The following ZNF496 variants were observed in gnomAD, a reference collection of about 807,000 sequenced individuals.
ZNF496 encodes the protein NSD1 (nuclear receptor binding SET-domain containing 1)-interacting zinc finger protein 1.
In ZNF496, 11 loss-of-function variants were observed where a neutral mutation model predicts 58.9. The ratio of observed to expected loss-of-function variants is 0.19; its 90% CI spans 0.12 to 0.31. The LOEUF (loss-of-function observed/expected upper bound fraction) is 0.31. Among genes scored for constraint, ZNF496 ranks in the 10% least tolerant of loss-of-function variants. The probability of loss-of-function intolerance (pLI) is 1.00; values close to 1 mark genes in which losing one functional copy is unlikely to be tolerated. For synonymous variants in ZNF496, 338 were observed against 318.2 expected (o/e 1.06, Z -0.66); for missense variants, 660 against 783.0 (o/e 0.84, Z 1.88).
chr1:247,310,388 A>G lies in ZNF496; in HGVS notation c.720T>C (p.Pro240=), dbSNP rs936390219. ...FSEEDWSLLD[P]AQTGFYGEFI... is the part of the protein sequence containing the mutation. Reference sequence around the variant, plus strand: ...ACTCTCCATAGAAGCCAGTCTGGGCAGGATCTAGAAGGGACCAATCCTCTT... The same window carrying G: ...ACTCTCCATAGAAGCCAGTCTGGGCGGGATCTAGAAGGGACCAATCCTCTT... The change falls in exon 7 of 10, where the codon CCT becomes CCC. Residue 240 remains proline (P), a synonymous_variant. Transcript: ENST00000682384. 6.2e-7 allele frequency: 1 copy of G among 1,614,078 alleles called. No individual in the cohort carries two copies. The highest frequency in any genetic ancestry group is 1.7e-5 in the Admixed American group (1 of 60,006).
chr1:247,321,541 CAG>C (rs1413614249), intron 6 of ZNF496, among the ~76,000 whole-genome samples: 1 of 152,206 alleles, frequency 6.6e-6, no homozygotes, highest in African/African-American at 2.4e-5. Context: ...CAATTAAAAA[CAG>C]AAATTAAAAA....
Position 247,308,345 on chromosome 1 carries a change from TACC to T in ZNF496, c.1006+127_1006+129del, listed in dbSNP as rs1395601767. On this transcript the variant is annotated intron_variant, in intron 9 of 9. Coordinates refer to ENST00000682384, the MANE Select transcript of ZNF496 (RefSeq NM_032752.3). The surrounding 1 kb of genome is among the most constrained non-coding windows in gnomAD (Gnocchi z 4.5). The stretch of plus-strand genomic sequence containing the variant: ...ACTCACACATGCAGCACACCACATA[TACC>T]ACATGTGTATGCACGCACACATGCA... 1.8e-4 allele frequency: 148 copies of T among 832,392 alleles called. 1 individual carries two copies. Among genetic ancestry groups the T allele is most frequent in the South Asian group, 7.8e-4 (50 of 64,026 alleles). The allele number at this position is 832,392 out of a possible 1,614,324, so 51.6% of individuals were successfully genotyped here.
intron 9 of ZNF496, among the ~76,000 whole-genome samples, chr1:247,301,716 A>C (rs546229161): frequency 1.3e-5 from 2 of 152,254 alleles, no homozygotes; most frequent in African/African-American, 2.4e-5. Context: ...CAACCTACAC[A>C]TATCATGTGC....
At chr1:247,327,485 C>T (rs1660168429) in intron 5 of ZNF496, among the ~76,000 whole-genome samples, 1 of 152,236 alleles carries the variant, frequency 6.6e-6, no homozygotes, top group African/African-American at 2.4e-5. Context: ...CTTCAGACTT[C>T]CAGCCTCCTG....
rs374957185 is a variant in ZNF496, at chr1:247,316,202, T to C, written c.652-5746A>G. ...ACTTCCTGGGAGGGGTGTGTGTGTG[T>C]GCGCGCGCGTGCGCGTGTGTGTGTG... On this transcript the variant is annotated intron_variant, in intron 6 of 9. Transcript: ENST00000682384. Among the ~76,000 whole-genome samples the C allele has an allele frequency of 8.4e-3, 226 of 26,850 alleles. 3 individuals are homozygous for C. Among genetic ancestry groups the C allele is most frequent in the Non-Finnish European group, 0.019 (181 of 9,702 alleles). The allele number at this position is 26,850 out of a possible 152,430, so 17.6% of individuals were successfully genotyped here.
chr1:247,315,783 A>T (rs1659748270), intron 6 of ZNF496, among the ~76,000 whole-genome samples: 1 of 152,216 alleles, frequency 6.6e-6, no homozygotes, highest in South Asian at 2.1e-4. Context: ...ATACCTCAAA[A>T]ATTCTAAATT....
rs748987842 is a variant in ZNF496, at chr1:247,297,666, C to A, written c.*2853G>T. On this transcript the variant is annotated 3_prime_UTR_variant, in exon 10 of 10. Transcript: ENST00000682384. The stretch of plus-strand genomic sequence containing the variant: ...CTCCTGGGTGCAGCCTCCTCCACCA[C>A]TGTGGTGAAGGGTGTTGGGCTGGAG... 6.6e-6 allele frequency: 1 copy of A among 152,314 alleles called. No individual in the cohort carries two copies. Among genetic ancestry groups the A allele is most frequent in the Non-Finnish European group, 1.5e-5 (1 of 68,104 alleles). 9.4% of individuals were successfully genotyped at this position (152,314 alleles called of 1,614,324 possible).
intron 9 of ZNF496, among the ~76,000 whole-genome samples, chr1:247,305,375 T>C (rs1461267719): frequency 2.6e-5 from 4 of 152,232 alleles, no homozygotes; most frequent in East Asian, 3.8e-4. Flanking sequence ...ATTATTTCTG[T>C]TTTCCAAATA....
intron 5 of ZNF496, 143 bp downstream of exon 5, chr1:247,328,540 C>A: frequency 1.2e-6 from 1 of 842,240 alleles, no homozygotes; most frequent in Non-Finnish European, 1.7e-6. Flanking sequence ...GACTCAGACC[C>A]TGACAACAGC....
At chr1:247,327,482 C>A (rs960978307) in intron 5 of ZNF496, among the ~76,000 whole-genome samples, 13 of 152,228 alleles carry the variant, frequency 8.5e-5, no homozygotes, top group Admixed American at 6.5e-4. Flanking sequence ...TGACTTCAGA[C>A]TTCCAGCCTC....
chr1:247,323,343 CAA>C, intron 5 of ZNF496, 113 bp from the exon 6 acceptor site: 2 of 695,588 alleles, frequency 2.9e-6, no homozygotes, highest in South Asian at 1.8e-5. Flanking sequence ...AAGAAAATCA[CAA>C]GAGAGGCACC....
intron 5 of ZNF496, among the ~76,000 whole-genome samples, chr1:247,327,866 G>A (rs1308168492): frequency 6.6e-6 from 1 of 151,982 alleles, no homozygotes; most frequent in African/African-American, 2.4e-5. Context: ...ACCGTGGCAA[G>A]TCCACCCAGA....
Position 247,300,473 on chromosome 1 carries a change from G to A in ZNF496, c.*46C>T. On this transcript the variant is annotated 3_prime_UTR_variant, in exon 10 of 10. Transcript: ENST00000682384. This position sits in a 1 kb window ranked among gnomAD's most constrained non-coding sequence, Gnocchi z 5.7. ...TGGGGGCGCTGATCAGTACCAAGGT[G>A]AGGGGGCAGCACCAGCCAGGGTGAG... The A allele has an allele frequency of 1.3e-6, 2 of 1,558,256 alleles. No homozygotes were observed. Among genetic ancestry groups the A allele is most frequent in the Non-Finnish European group, 1.7e-6 (2 of 1,150,656 alleles).
At chr1:247,312,653 C>T (rs1174326120) in intron 6 of ZNF496, 1 of 151,174 alleles carries the variant, frequency 6.6e-6, no homozygotes, top group African/African-American at 2.4e-5. Context: ...GTAATCTCCG[C>T]TACTCAGGAG....
At position 247,329,491 on chromosome 1, in the gene ZNF496, T is replaced by C. The variant is rs1234930774; in HGVS notation, c.88A>G (p.Ser30Gly). 6.2e-7 allele frequency: 1 copy of C among 1,602,900 alleles called. No individual in the cohort carries two copies. Among genetic ancestry groups the C allele is most frequent in the East Asian group, 2.2e-5 (1 of 44,766 alleles). The change falls in exon 4 of 10, where the codon AGC becomes GGC. Residue 30 changes from serine (S) to glycine (G), a missense_variant. Physicochemically the swap from Ser to Gly is moderately conservative, Grantham distance 56. Transcript: ENST00000682384. This position sits in a 1 kb window ranked among gnomAD's most constrained non-coding sequence, Gnocchi z 5.5. ...GGGCTGGGAAGCTCCCCCTGGGGGC[T>C]AGGGTTCTCTCCAGGTGGGCTCCTC... The part of the protein sequence containing the change: ...KMRSPPGENP[S>G]PQGELPSPES...
chr1:247,309,966 G>A lies in ZNF496; in HGVS notation c.785-160C>T, dbSNP rs1659540026. ...AGAGCTGGCAGTGCAGGGGCAGTGG[G>A]GGCAGCACACGCAGGGAGAGCTATG... On this transcript the variant is annotated intron_variant, in intron 7 of 9. Transcript: ENST00000682384. This position sits in a 1 kb window ranked among gnomAD's most constrained non-coding sequence, Gnocchi z 4.3. 4 of 1,315,654 alleles carry A rather than the reference G, an allele frequency of 3.0e-6. No individual in the cohort carries two copies. The highest frequency in any genetic ancestry group is 4.1e-6 in the Non-Finnish European group (4 of 984,990). 81.5% of individuals were successfully genotyped at this position (1,315,654 alleles called of 1,614,324 possible). A position where few individuals can be genotyped will look rare whatever the true frequency, so the allele number is the denominator to read the frequency against.
At position 247,300,947 on chromosome 1, in the gene ZNF496, C is replaced by T. The variant is rs1179357949; in HGVS notation, c.1336G>A (p.Asp446Asn). The T allele has an allele frequency of 3.1e-6, 5 of 1,613,964 alleles. No homozygotes were observed. Among genetic ancestry groups the T allele is most frequent in the Non-Finnish European group, 4.2e-6 (5 of 1,180,014 alleles). The change falls in exon 10 of 10, where the codon GAC becomes AAC. Residue 446 changes from aspartate (D) to asparagine (N), a missense_variant. Transcript: ENST00000682384. This position sits in a 1 kb window ranked among gnomAD's most constrained non-coding sequence, Gnocchi z 5.7. ...AGGTGCCCATCCAGGTCCTCGCTGT[C>T]GCTGAACAGCTCCCCGCACACCGAG... ...ECSVCGELFS[D>N]SEDLDGHLES...
intron 6 of ZNF496, chr1:247,312,984 A>T (rs1202280081): frequency 6.6e-6 from 1 of 152,158 alleles, no homozygotes; most frequent in Non-Finnish European, 1.5e-5. Context: ...TATGTCTTAC[A>T]GTTCTGGAGG....
intron 2 of ZNF496, among the ~76,000 whole-genome samples, chr1:247,331,138 C>G (rs1403035210): frequency 6.6e-6 from 1 of 152,224 alleles, no homozygotes; most frequent in African/African-American, 2.4e-5. Context: ...CCCACCCGGG[C>G]TGCCACTCGG....
Sources: gnomAD v4.1 joint callset for allele counts (sites outside exome capture counted in the v4.1 genomes callset) on GRCh38, gnomAD v4.1.1 for gene constraint, Gnocchi (gnomAD v3.1) non-coding constraint, MANE v1.5 for transcripts, NCBI Gene and HGNC (gene_info 2026-07-23, HGNC 2026-07-21) for gene names.